Variants in MDM2 observed in about 807,000 individuals in gnomAD.
MDM2 encodes E3 ubiquitin-protein ligase Mdm2.
A neutral mutation model predicts 64.3 loss-of-function variants in MDM2; 11 were observed. The ratio of observed to expected loss-of-function variants is 0.17; its 90% CI spans 0.11 to 0.28. MDM2 has a LOEUF of 0.28. MDM2 is among the 10% of genes least tolerant of loss of function. The pLI is 1.00. For synonymous variants in MDM2, 194 were observed against 192.9 expected (o/e 1.01, Z -0.05); for missense variants, 388 against 577.1 (o/e 0.67, Z 3.36).
intron 4 of MDM2, 98 bp downstream of exon 4, chr12:68,817,043 A>G: frequency 7.0e-7 from 1 of 1,429,468 alleles, no homozygotes; most frequent in South Asian, 1.3e-5. Context: ...AACTGTTGAA[A>G]CATATTAAAG....
In MDM2 at chr12:68,817,085, G is replaced by A. The variant is rs892607858; in HGVS notation, c.308+140G>A. On this transcript the variant is annotated intron_variant, in intron 4 of 10. Coordinates refer to ENST00000258149, the MANE Select transcript of MDM2 (RefSeq NM_002392.6). ...TGAAACTTAATTTTTTAGCTCTGCGGCATATTATTTGAGAACCTGAGCTCT... is the reference window on the plus strand; with the variant it reads ...TGAAACTTAATTTTTTAGCTCTGCGACATATTATTTGAGAACCTGAGCTCT... 1.8e-5 allele frequency: 17 copies of A among 945,926 alleles called. No homozygotes were observed. The South Asian group carries it at 3.2e-4, about 18-fold the overall frequency. 58.6% of individuals were successfully genotyped at this position (945,926 alleles called of 1,614,324 possible).
Position 68,843,257 on chromosome 12 carries a change from C to G in MDM2, c.*3408C>G, listed in dbSNP as rs1883957767. The stretch of plus-strand genomic sequence containing the variant: ...GAACTCCAAATAATGCTTTGAGGAC[C>G]TCCAAAGGTAAAAGTACTAATCCCT... On this transcript the variant is annotated 3_prime_UTR_variant, in exon 11 of 11. Transcript: ENST00000258149. 4.4e-6 allele frequency: 1 copy of G among 226,870 alleles called. No homozygotes were observed. The highest frequency in any genetic ancestry group is 2.2e-5 in the African/African-American group (1 of 44,854). 14.1% of individuals were successfully genotyped at this position (226,870 alleles called of 1,614,324 possible).
chr12:68,826,217 TCTATC>T (rs1450719335), intron 7 of MDM2, among the ~76,000 whole-genome samples: 1 of 152,112 alleles, frequency 6.6e-6, no homozygotes, highest in Non-Finnish European at 1.5e-5. Context: ...GTCCTTTTGA[TCTATC>T]AAATTAGTAA....
chr12:68,835,758 A>C, intron 8 of MDM2, 71 bp from the exon 9 acceptor site: 1 of 1,424,906 alleles, frequency 7.0e-7, no homozygotes, highest in East Asian at 2.4e-5. Flanking sequence ...AGGCACAGGG[A>C]TGAGTTAGGA....
At position 68,836,666 on chromosome 12, in the gene MDM2, T is replaced by C; in HGVS notation, c.841-6T>C. ...TGAATTGATGCTAATGAATGTGTTTTATTAGGTATATCAAGTTACTGTGTA... is the reference window on the plus strand; with the variant it reads ...TGAATTGATGCTAATGAATGTGTTTCATTAGGTATATCAAGTTACTGTGTA... On this transcript the variant is annotated splice_polypyrimidine_tract_variant and splice_region_variant and intron_variant, in intron 9 of 10. Coordinates refer to ENST00000258149, the MANE Select transcript of MDM2 (RefSeq NM_002392.6). 6.3e-7 allele frequency: 1 copy of C among 1,592,922 alleles called. No individual in the cohort carries two copies. The highest frequency in any genetic ancestry group is 8.6e-7 in the Non-Finnish European group (1 of 1,161,080).
rs1375531162 is a variant in MDM2 at position 68,835,868 on chromosome 12, T to C, written c.724T>C (p.Leu242=). 6.2e-7 allele frequency: 1 copy of C among 1,613,514 alleles called. No individual in the cohort carries two copies. The highest frequency in any genetic ancestry group is 8.5e-7 in the Non-Finnish European group (1 of 1,179,602). ...AGVSEHSGDW[L]DQDSVSDQFS... ...TGTAAGTGAACATTCAGGTGATTGG[T>C]TGGATCAGGATTCAGTTTCAGATCA... is the stretch of plus-strand genomic sequence containing the variant. Residue 242 remains leucine, a synonymous_variant, in exon 9 of 11, where the codon TTG becomes CTG. Coordinates refer to ENST00000258149, the MANE Select transcript of MDM2 (RefSeq NM_002392.6).
At chr12:68,821,044 C>CT (rs36054804) in intron 5 of MDM2, among the ~76,000 whole-genome samples, 8,620 of 103,710 alleles carry the variant, frequency 0.083, 1,249 homozygotes, top group African/African-American at 0.28. Flanking sequence ...ACACAGTTTG[C>CT]TTTTTTTTTT....
At chr12:68,819,750 C>T (rs191229094) in intron 4 of MDM2, among the ~76,000 whole-genome samples, 2 of 152,324 alleles carry the variant, frequency 1.3e-5, no homozygotes, top group South Asian at 2.1e-4. Flanking sequence ...CTCGGCCTTC[C>T]GAAGTGCTGG....
Position 68,839,377 on chromosome 12 carries a change from G to A in MDM2, c.1022G>A (p.Gly341Glu), listed in dbSNP as rs1592602182. ...GAGAATTGGCTTCCTGAAGATAAAG[G>A]GAAAGATAAAGGGGAAATCTCTGAG... ...LRENWLPEDK[G>E]KDKGEISEKA... is the part of the protein sequence containing the mutation. The change falls in exon 11 of 11, where the codon GGG becomes GAG. Residue 341 changes from glycine (G) to glutamate (E), a missense_variant. Physicochemically the swap from Gly to Glu is moderately conservative, Grantham distance 98 (BLOSUM62 -2). Transcript: ENST00000258149. 5 of 1,613,726 alleles carry A rather than the reference G, an allele frequency of 3.1e-6. No individual in the cohort carries two copies. The highest frequency in any genetic ancestry group is 3.3e-5 in the Admixed American group (2 of 59,938).
In MDM2 at chr12:68,839,801, A is replaced by G. The variant is rs1883605122; in HGVS notation, c.1446A>G (p.Pro482=). 6.2e-7 allele frequency: 1 copy of G among 1,614,158 alleles called. No homozygotes were observed. Among genetic ancestry groups the G allele is most frequent in the Non-Finnish European group, 8.5e-7 (1 of 1,180,028 alleles). ...KKLKKRNKPC[P]VCRQPIQMIV... is the part of the protein sequence containing the mutation. ...TAAAGAAAAGGAATAAGCCCTGCCC[A>G]GTATGTAGACAACCAATTCAAATGA... The change falls in exon 11 of 11, where the codon CCA becomes CCG. Residue 482 remains proline, a synonymous_variant. Transcript: ENST00000258149.
chr12:68,839,315 C>T lies in MDM2; in HGVS notation c.960C>T (p.Pro320=). The T allele has an allele frequency of 1.2e-6, 2 of 1,613,850 alleles. No individual in the cohort carries two copies. Among genetic ancestry groups the T allele is most frequent in the African/African-American group, 2.7e-5 (2 of 75,000 alleles). ...KCTSCNEMNP[P]LPSHCNRCWA... ...CTTCATGCAATGAAATGAATCCCCC[C>T]CTTCCATCACATTGCAACAGATGTT... The change falls in exon 11 of 11, where the codon CCC becomes CCT. Residue 320 remains proline (P), a synonymous_variant. Coordinates refer to ENST00000258149, the MANE Select transcript of MDM2 (RefSeq NM_002392.6).
intron 3 of MDM2, chr12:68,814,505 C>T (rs559898453): frequency 1.1e-4 from 29 of 271,090 alleles, no homozygotes; most frequent in South Asian, 2.4e-4. Context: ...CATTTATAAT[C>T]GAAGGAAAAG....
chr12:68,820,418 T>A lies in MDM2; in HGVS notation c.358+44T>A, dbSNP rs544071476. The A allele has an allele frequency of 2.1e-6, 3 of 1,458,968 alleles. No homozygotes were observed. In the East Asian group the frequency reaches 6.8e-5, roughly 33 times the overall value. The allele number at this position is 1,458,968 out of a possible 1,614,324, so 90.4% of individuals were successfully genotyped here. On this transcript the variant is annotated intron_variant, in intron 5 of 10. Transcript: ENST00000258149. ...TCATGGATAAATACCATAAAAACGT[T>A]TTAAAGACATTTTTGTTTATGTGCA... is the stretch of plus-strand genomic sequence containing the variant.
At chr12:68,810,740 C>T (rs1288849628) in intron 2 of MDM2, among the ~76,000 whole-genome samples, 1 of 152,046 alleles carries the variant, frequency 6.6e-6, no homozygotes, top group East Asian at 1.9e-4. Context: ...GGATTACAGG[C>T]GTGAGTCACT....
At chr12:68,821,520 C>G (rs1372494745) in intron 5 of MDM2, among the ~76,000 whole-genome samples, 2 of 152,024 alleles carry the variant, frequency 1.3e-5, no homozygotes, top group Non-Finnish European at 2.9e-5. Flanking sequence ...CCGAGGAGTT[C>G]AAGACCAGCC....
At chr12:68,824,515 G>A (rs762220430) in intron 6 of MDM2, 40 bp from the exon 7 acceptor site, 1 of 1,594,578 alleles carries the variant, frequency 6.3e-7, no homozygotes, top group Non-Finnish European at 8.6e-7. Flanking sequence ...TACTGGTTAT[G>A]TTAAGTTTGT....
intron 2 of MDM2, among the ~76,000 whole-genome samples, chr12:68,812,978 A>G: frequency 6.6e-6 from 1 of 152,190 alleles, no homozygotes; most frequent in Admixed American, 6.5e-5. Context: ...ACCACTGTCC[A>G]GTGCATAGTA....
chr12:68,827,192 A>T (rs1171472884), intron 7 of MDM2, among the ~76,000 whole-genome samples: 1 of 152,192 alleles, frequency 6.6e-6, no homozygotes, highest in African/African-American at 2.4e-5. Flanking sequence ...AAAATGATAA[A>T]AAAAGTCCTT....
At chr12:68,825,277 T>C (rs1882218679) in intron 7 of MDM2, among the ~76,000 whole-genome samples, 1 of 152,196 alleles carries the variant, frequency 6.6e-6, no homozygotes, top group Non-Finnish European at 1.5e-5. Context: ...ACCTTAACAG[T>C]TAAATTTTTA....
Sources: gnomAD v4.1 joint callset for allele counts (sites outside exome capture counted in the v4.1 genomes callset) on GRCh38, gnomAD v4.1.1 for gene constraint, MANE v1.5 for transcripts, NCBI Gene and HGNC (gene_info 2026-07-23, HGNC 2026-07-21) for gene names.